The following NDUFAF6 variants were observed in gnomAD, a reference collection of about 807,000 sequenced individuals.
The protein encoded by NDUFAF6 is NADH:ubiquinone oxidoreductase complex assembly factor 6, also known as NADH dehydrogenase (ubiquinone) complex I, assembly factor 6.
Under a neutral mutation model 40.8 loss-of-function variants are expected in NDUFAF6, and 45 were observed. That is an observed-to-expected ratio of 1.10 (90% CI 0.87 to 1.42). The LOEUF (loss-of-function observed/expected upper bound fraction) is 1.42. Among genes scored for constraint, NDUFAF6 ranks in the 40% most tolerant of loss-of-function variants. The pLI, the probability that NDUFAF6 is intolerant of heterozygous loss-of-function variation, is 0.00. For synonymous variants in NDUFAF6, 185 were observed against 155.9 expected (o/e 1.19, Z -1.39); for missense variants, 435 against 418.5 (o/e 1.04, Z -0.34).
chr8:95,039,367 C>A (rs888376990), intron 3 of NDUFAF6, among the ~76,000 whole-genome samples: 1 of 151,642 alleles, frequency 6.6e-6, no homozygotes, highest in Non-Finnish European at 1.5e-5. Flanking sequence ...GCAGGAGAAT[C>A]GCTTGAACCG....
At chr8:94,898,839 A>G (rs539071703) in intron 1 of NDUFAF6, among the ~76,000 whole-genome samples, 4 of 152,380 alleles carry the variant, frequency 2.6e-5, no homozygotes, top group Admixed American at 1.3e-4. Flanking sequence ...AATTTGAATT[A>G]TAATTCAATA....
rs1287988823 is a variant in NDUFAF6, at chr8:94,991,880, A to G, written c.-84+10907A>G. ...AGTTTATTTAACCATTCTTTATCGG[A>G]AGACATTTGGATTATTTCCAAATAT... On this transcript the variant is annotated intron_variant, in intron 2 of 9. Transcript: ENST00000396111. 2.7e-5 allele frequency among the ~76,000 whole-genome samples: 4 copies of G among 148,882 alleles called. No individual in the cohort carries two copies. In the South Asian group the frequency reaches 8.7e-4, roughly 32 times the overall value.
chr8:95,057,692 A>G lies in NDUFAF6; in HGVS notation c.874-117A>G, dbSNP rs1832360201. On this transcript the variant is annotated intron_variant, in intron 8 of 8. Coordinates refer to ENST00000396124, the MANE Select transcript of NDUFAF6 (RefSeq NM_152416.4). ...TTTAAAATTCTCACTTAAATAGAAA[A>G]CCATCTCAGGGAAACTAAAATAGCC... The G allele has an allele frequency of 1.6e-5, 13 of 792,440 alleles. No individual in the cohort carries two copies. In the South Asian group the frequency reaches 2.0e-4, roughly 12 times the overall value. 49.1% of individuals were successfully genotyped at this position (792,440 alleles called of 1,614,324 possible). A position where few individuals can be genotyped will look rare whatever the true frequency, so the allele number is the denominator to read the frequency against.
At chr8:94,923,627 C>T (rs185390601) in intron 1 of NDUFAF6, among the ~76,000 whole-genome samples, 173 of 151,414 alleles carry the variant, frequency 1.1e-3, no homozygotes, top group Admixed American at 8.5e-3. Context: ...GGTGTGTTTT[C>T]TTATATTCCT....
At chr8:95,005,398 T>A (rs960617972) in intron 2 of NDUFAF6, among the ~76,000 whole-genome samples, 2 of 151,732 alleles carry the variant, frequency 1.3e-5, no homozygotes, top group African/African-American at 4.8e-5. Flanking sequence ...CCACAGCAGA[T>A]TTTTTAATCT....
chr8:95,053,703 G>A (rs1376233489), intron 8 of NDUFAF6, among the ~76,000 whole-genome samples: 1 of 151,310 alleles, frequency 6.6e-6, no homozygotes, highest in African/African-American at 2.4e-5. Flanking sequence ...TTGGCTCACT[G>A]CAGCCTCCGC....
downstream of NDUFAF6, among the ~76,000 whole-genome samples, chr8:95,105,912 A>G (rs1377026411): frequency 6.6e-6 from 1 of 152,182 alleles, no homozygotes; most frequent in East Asian, 1.9e-4. Flanking sequence ...CGGGGATTAC[A>G]GGCATGAGTC....
At chr8:95,118,194 T>G (rs1318119271), downstream of NDUFAF6, among the ~76,000 whole-genome samples, 2 of 152,252 alleles carry the variant, frequency 1.3e-5, no homozygotes, top group Admixed American at 6.5e-5. Flanking sequence ...GCATGGGTTC[T>G]GGGTTCCCAC....
upstream of NDUFAF6, among the ~76,000 whole-genome samples, chr8:94,955,492 T>C (rs1310239387): frequency 6.6e-6 from 1 of 152,234 alleles, no homozygotes; most frequent in Non-Finnish European, 1.5e-5. Flanking sequence ...CACTGTTGCA[T>C]TGGGGATTTA....
intron 4 of NDUFAF6, among the ~76,000 whole-genome samples, chr8:95,109,649 A>G (rs1221217586): frequency 6.6e-6 from 1 of 151,990 alleles, no homozygotes; most frequent in Non-Finnish European, 1.5e-5. Flanking sequence ...ATGTCTGTCC[A>G]TTTGTCTTCT....
chr8:95,057,673 A>G, intron 8 of NDUFAF6, 136 bp from the exon 9 acceptor site: 1 of 692,740 alleles, frequency 1.4e-6, no homozygotes, highest in Non-Finnish European at 2.4e-6. Flanking sequence ...CTCTTTTAAA[A>G]TTCTCACTTA....
chr8:95,109,125 C>A (rs1165853431), intron 4 of NDUFAF6, among the ~76,000 whole-genome samples: 2 of 152,150 alleles, frequency 1.3e-5, no homozygotes, highest in Non-Finnish European at 2.9e-5. Context: ...CAGCTCCAAG[C>A]TCTTTCAGGA....
intron 1 of NDUFAF6, among the ~76,000 whole-genome samples, chr8:94,906,420 G>A (rs1487399713): frequency 6.6e-6 from 1 of 152,106 alleles, no homozygotes; most frequent in Non-Finnish European, 1.5e-5. Flanking sequence ...CTTTCTGCTG[G>A]TATAAGAACC....
At chr8:95,036,686 A>G (rs987077260) in intron 3 of NDUFAF6, among the ~76,000 whole-genome samples, 3 of 152,230 alleles carry the variant, frequency 2.0e-5, no homozygotes, top group African/African-American at 7.2e-5. Flanking sequence ...GTTGGGAAAT[A>G]TGTGGAAGAT....
At chr8:94,896,128 A>G (rs554494604) in intron 1 of NDUFAF6, among the ~76,000 whole-genome samples, 1 of 152,210 alleles carries the variant, frequency 6.6e-6, no homozygotes, top group Admixed American at 6.5e-5. Flanking sequence ...CCGGGATCCC[A>G]GAGGGTAAAA....
chr8:95,115,179 A>G (rs1810104591), intron 4 of NDUFAF6, among the ~76,000 whole-genome samples: 1 of 152,186 alleles, frequency 6.6e-6, no homozygotes, highest in African/African-American at 2.4e-5. Context: ...TAATCAATCT[A>G]ATTTATTCAT....
chr8:94,906,572 C>T (rs923696998), intron 1 of NDUFAF6, among the ~76,000 whole-genome samples: 1 of 152,166 alleles, frequency 6.6e-6, no homozygotes, highest in Non-Finnish European at 1.5e-5. Flanking sequence ...CGTGAGCTAG[C>T]CAAGAAGCCT....
At chr8:95,010,518 T>G (rs1408026891) in intron 2 of NDUFAF6, among the ~76,000 whole-genome samples, 1 of 152,264 alleles carries the variant, frequency 6.6e-6, no homozygotes, top group African/African-American at 2.4e-5. Flanking sequence ...TAGAAAGTAC[T>G]GTAGCAATAT....
At chr8:95,026,200 C>T (rs889128879) in intron 1 of NDUFAF6, among the ~76,000 whole-genome samples, 14 of 152,090 alleles carry the variant, frequency 9.2e-5, no homozygotes, top group Admixed American at 7.2e-4. Flanking sequence ...GCCGCGGTGG[C>T]TACACGCCTG....
Sources: gnomAD v4.1 joint callset for allele counts (sites outside exome capture counted in the v4.1 genomes callset) on GRCh38, gnomAD v4.1.1 for gene constraint, MANE v1.5 for transcripts, NCBI Gene and HGNC (gene_info 2026-07-23, HGNC 2026-07-21) for gene names.